The following CAMK4 variants were observed in gnomAD, a reference collection of about 807,000 sequenced individuals.
CAMK4 encodes the protein calcium/calmodulin-dependent protein kinase type IV.
A neutral mutation model predicts 44.9 loss-of-function variants in CAMK4; 22 were observed. That is an observed-to-expected ratio of 0.49 (90% CI 0.35 to 0.70). The LOEUF is 0.70. CAMK4 is among the 30% of genes least tolerant of loss of function. The pLI is 0.01. For synonymous variants in CAMK4, 218 were observed against 215.4 expected, an observed-to-expected ratio of 1.01 and a Z score of -0.11; for missense variants, 498 against 586.8, an observed-to-expected ratio of 0.85 and a Z score of 1.56.
intron 1 of CAMK4, among the ~76,000 whole-genome samples, chr5:111,261,624 C>G (rs538016131): frequency 6.6e-6 from 1 of 151,202 alleles, no homozygotes; most frequent in African/African-American, 2.4e-5. Context: ...GGAAAAGAGC[C>G]ATCTTTTTAA....
chr5:111,346,846 A>AAACAAACAAACAAAC (rs372511472), intron 2 of CAMK4, among the ~76,000 whole-genome samples: 3,145 of 116,848 alleles, frequency 0.027, 36 homozygotes, highest in Middle Eastern at 0.042. Context: ...AACAAACAAA[A>AAACAAACAAACAAAC]ACACTAACAC....
rs775697598 is a variant in CAMK4 at position 111,482,781 on chromosome 5, T to C, written c.829-4T>C. ...GCTAAGTTTATGGTTCTTTATTATTTCAGGTCAGAAAATTAATTGTTTTGG... is the reference window on the plus strand; with the variant it reads ...GCTAAGTTTATGGTTCTTTATTATTCCAGGTCAGAAAATTAATTGTTTTGG... On this transcript the variant is annotated splice_region_variant and splice_polypyrimidine_tract_variant and intron_variant, in intron 9 of 10. Transcript: ENST00000282356. The surrounding 1 kb of genome is among the most constrained non-coding windows in gnomAD (Gnocchi z 4.9). 1 of 1,603,146 alleles carries C rather than the reference T, an allele frequency of 6.2e-7. No individual in the cohort carries two copies. Among genetic ancestry groups the C allele is most frequent in the Non-Finnish European group, 8.5e-7 (1 of 1,176,710 alleles).
chr5:111,360,532 G>A (rs147263643), intron 2 of CAMK4, among the ~76,000 whole-genome samples: 83 of 152,140 alleles, frequency 5.5e-4, no homozygotes, highest in African/African-American at 1.9e-3. Flanking sequence ...CTTTGAAACC[G>A]GACAGTCTTG....
At chr5:111,337,340 ATTG>A (rs949389983) in intron 1 of CAMK4, among the ~76,000 whole-genome samples, 1 of 151,188 alleles carries the variant, frequency 6.6e-6, no homozygotes, top group Non-Finnish European at 1.5e-5. Flanking sequence ...GTGAGTGAAC[ATTG>A]TTTTGATCTT....
At chr5:111,308,607 A>G (rs542380421) in intron 1 of CAMK4, among the ~76,000 whole-genome samples, 34 of 152,216 alleles carry the variant, frequency 2.2e-4, no homozygotes, top group Non-Finnish European at 3.8e-4. Flanking sequence ...CATCTCTGGA[A>G]TTGAAATTTA....
At chr5:111,451,380 C>T (rs1051009920) in intron 7 of CAMK4, among the ~76,000 whole-genome samples, 9 of 151,784 alleles carry the variant, frequency 5.9e-5, no homozygotes, top group Non-Finnish European at 1.2e-4. Flanking sequence ...TTATAGTAAC[C>T]TTTGCCTCCC....
intron 9 of CAMK4, among the ~76,000 whole-genome samples, chr5:111,480,286 A>ACACACACACACACACACACC (rs1163614814): frequency 4.7e-5 from 7 of 148,994 alleles, no homozygotes; most frequent in African/African-American, 1.8e-4. Context: ...ACACACACAC[A>ACACACACACACACACACACC]CACCCCTGGG....
intron 5 of CAMK4, among the ~76,000 whole-genome samples, chr5:111,399,479 A>G (rs1433727689): frequency 1.3e-5 from 2 of 152,198 alleles, no homozygotes; most frequent in South Asian, 2.1e-4. Flanking sequence ...TGTGTTTATT[A>G]TCTCTCCATA....
intron 4 of CAMK4, 47 bp downstream of exon 4, chr5:111,376,989 C>T: frequency 4.1e-6 from 5 of 1,210,930 alleles, no homozygotes; most frequent in African/African-American, 1.5e-5. Flanking sequence ...TGCTTTTGGC[C>T]ACCAAAAAAT....
At position 111,376,853 on chromosome 5, in the gene CAMK4, T is replaced by A. The variant is rs1456517285; in HGVS notation, c.304-7T>A. On this transcript the variant is annotated splice_region_variant and splice_polypyrimidine_tract_variant and intron_variant, in intron 3 of 10. Transcript: ENST00000282356. ...TGTGATATTCTTTTTTTTATATCTT[T>A]CCCTAGATAAAACTTAAAGAGATAT... 6.6e-7 allele frequency: 1 copy of A among 1,513,340 alleles called. No homozygotes were observed. 93.7% of individuals were successfully genotyped at this position (1,513,340 alleles called of 1,614,324 possible).
At chr5:111,383,622 A>ATTTTTTTTT (rs10671641) in intron 4 of CAMK4, among the ~76,000 whole-genome samples, 2 of 141,970 alleles carry the variant, frequency 1.4e-5, no homozygotes, top group Admixed American at 7.0e-5. Flanking sequence ...AGGGGAGATA[A>ATTTTTTTTT]TTTTTTTTTT....
intron 5 of CAMK4, among the ~76,000 whole-genome samples, chr5:111,400,545 T>C (rs1752186116): frequency 6.6e-6 from 1 of 152,184 alleles, no homozygotes; most frequent in South Asian, 2.1e-4. Flanking sequence ...TAACATATCT[T>C]GCAATCCCTC....
chr5:111,473,215 AT>A, intron 7 of CAMK4, 95 bp from the exon 8 acceptor site: 1 of 847,604 alleles, frequency 1.2e-6, no homozygotes, highest in East Asian at 2.4e-5. Flanking sequence ...CTGTTCAGAA[AT>A]TGTTTTGATG....
chr5:111,493,243 AATC>A lies in CAMK4; in HGVS notation c.*8782_*8784del, dbSNP rs1241251962. The A allele has an allele frequency of 1.3e-5, 2 of 152,176 alleles. No individual in the cohort carries two copies. Among genetic ancestry groups the A allele is most frequent in the African/African-American group, 4.8e-5 (2 of 41,438 alleles). 9.4% of individuals were successfully genotyped at this position (152,176 alleles called of 1,614,324 possible). The stretch of plus-strand genomic sequence containing the variant: ...CTGCTGTGCTTCTAAGCCAAATAAA[AATC>A]ATCAAACACATCGAAGATATTTTTG... On this transcript the variant is annotated 3_prime_UTR_variant, in exon 11 of 11. Transcript: ENST00000282356. The surrounding 1 kb of genome is among the most constrained non-coding windows in gnomAD (Gnocchi z 4.1).
At chr5:111,437,532 C>T (rs1267923762) in intron 5 of CAMK4, among the ~76,000 whole-genome samples, 2 of 152,132 alleles carry the variant, frequency 1.3e-5, no homozygotes, top group African/African-American at 2.4e-5. Flanking sequence ...TGCAAAGAAA[C>T]ATACATGCTG....
intron 1 of CAMK4, among the ~76,000 whole-genome samples, chr5:111,259,912 A>G (rs1168881085): frequency 6.6e-6 from 1 of 152,194 alleles, no homozygotes; most frequent in Non-Finnish European, 1.5e-5. Context: ...TTGAAGATCA[A>G]TCAAAAGTGA....
intron 1 of CAMK4, among the ~76,000 whole-genome samples, chr5:111,294,665 C>T (rs1417462982): frequency 6.6e-6 from 1 of 150,960 alleles, no homozygotes; most frequent in African/African-American, 2.4e-5. Flanking sequence ...TCAAATGTTG[C>T]TTATTTCTAT....
chr5:111,352,309 A>G (rs370088223), intron 2 of CAMK4, among the ~76,000 whole-genome samples: 12 of 152,086 alleles, frequency 7.9e-5, no homozygotes, highest in Non-Finnish European at 1.3e-4. Flanking sequence ...TGGATTCTCA[A>G]TTTCAAGGTG....
Position 111,344,096 on chromosome 5 carries a change from GA to G in CAMK4, c.238del (p.Thr80GlnfsTer7), listed in dbSNP as rs771037706. On this transcript the variant is annotated frameshift_variant, in exon 2 of 11. Coordinates refer to ENST00000282356, the MANE Select transcript of CAMK4 (RefSeq NM_001744.6). LOFTEE classifies it high-confidence loss of function. ...QKPYALKVLK[K>X]TVDKKIVRTE... ...AGCCTTATGCTCTCAAAGTGTTAAA[GA>G]AAACAGTAAGTTTATTTCTTATATA... 6.3e-7 allele frequency: 1 copy of G among 1,585,524 alleles called. No homozygotes were observed. Among genetic ancestry groups the G allele is most frequent in the Non-Finnish European group, 8.7e-7 (1 of 1,155,034 alleles).
Sources: gnomAD v4.1 joint callset for allele counts (sites outside exome capture counted in the v4.1 genomes callset) on GRCh38, gnomAD v4.1.1 for gene constraint, Gnocchi (gnomAD v3.1) non-coding constraint, MANE v1.5 for transcripts, NCBI Gene and HGNC (gene_info 2026-07-23, HGNC 2026-07-21) for gene names.